LRPPRC: variants seen among roughly 807,000 people sequenced by gnomAD.
The protein encoded by LRPPRC is leucine-rich PPR motif-containing protein, mitochondrial.
A neutral mutation model predicts 180.3 loss-of-function variants in LRPPRC; 120 were observed. That is an observed-to-expected ratio of 0.67 (90% CI 0.57 to 0.77). The LOEUF is 0.77. Among genes scored for constraint, LRPPRC ranks in the 30% least tolerant of loss-of-function variants. The pLI is 0.00. For synonymous variants in LRPPRC, 723 were observed against 600.0 expected, an observed-to-expected ratio of 1.21 and a Z score of -3.00; for missense variants, 2,012 against 1,657.2, an observed-to-expected ratio of 1.21 and a Z score of -3.72.
At chr2:43,946,073 A>G in intron 21 of LRPPRC, 40 bp downstream of exon 21, 1 of 1,599,982 alleles carries the variant, frequency 6.3e-7, no homozygotes, top group Non-Finnish European at 8.6e-7. Context: ...TGTAGAGCAG[A>G]ATAAATGTTG....
At chr2:43,975,731 T>A (rs917604131) in intron 6 of LRPPRC, among the ~76,000 whole-genome samples, 1 of 151,976 alleles carries the variant, frequency 6.6e-6, no homozygotes, top group Non-Finnish European at 1.5e-5. Flanking sequence ...TACAGGCACC[T>A]GCCATCATGC....
rs1216785528 is a variant in LRPPRC, at chr2:43,901,302, A to C, written c.3569+18T>G. The stretch of plus-strand genomic sequence containing the variant: ...TTCTAGTGACCAATGAAGGAAAAGA[A>C]GGCTTGCAAATACTCACTTCTTTAT... On this transcript the variant is annotated intron_variant, in intron 32 of 37. Coordinates refer to ENST00000260665, the MANE Select transcript of LRPPRC (RefSeq NM_133259.4). The C allele has an allele frequency of 6.2e-7, 1 of 1,605,770 alleles. No homozygotes were observed.
At chr2:43,908,015 G>A (rs1295154344) in intron 30 of LRPPRC, among the ~76,000 whole-genome samples, 1 of 152,194 alleles carries the variant, frequency 6.6e-6, no homozygotes, top group Non-Finnish European at 1.5e-5. Context: ...ATAATATGCA[G>A]AAAGGACATT....
intron 34 of LRPPRC, among the ~76,000 whole-genome samples, chr2:43,898,291 TA>T (rs1469989445): frequency 6.6e-6 from 1 of 152,142 alleles, no homozygotes; most frequent in Non-Finnish European, 1.5e-5. Context: ...ACTTGAAGAA[TA>T]AAAACTGGAG....
intron 1 of LRPPRC, among the ~76,000 whole-genome samples, chr2:43,993,210 AC>A (rs557075449): frequency 2.6e-5 from 4 of 152,332 alleles, no homozygotes; most frequent in African/African-American, 9.6e-5. Context: ...AAATAAACAT[AC>A]ATCTTACACA....
intron 31 of LRPPRC, 197 bp from the exon 32 acceptor site, chr2:43,901,721 T>C: frequency 1.8e-6 from 1 of 561,856 alleles, no homozygotes; most frequent in South Asian, 2.2e-5. Context: ...TATAAGATAT[T>C]AGAGGCCCGA....
intron 23 of LRPPRC, among the ~76,000 whole-genome samples, chr2:43,940,621 C>T (rs1413032393): frequency 6.6e-6 from 1 of 152,116 alleles, no homozygotes; most frequent in Admixed American, 6.5e-5. Context: ...CTTGCACCAA[C>T]ATAATCCAGT....
chr2:43,892,755 C>CA (rs768110446), intron 36 of LRPPRC: 3 of 151,662 alleles, frequency 2.0e-5, no homozygotes, highest in Non-Finnish European at 4.4e-5. Flanking sequence ...ATGGCCCCTG[C>CA]ACAAAGATGA....
At chr2:43,901,854 C>A (rs2104994066) in intron 31 of LRPPRC, 1 of 245,778 alleles carries the variant, frequency 4.1e-6, no homozygotes, top group East Asian at 1.0e-4. Context: ...GAAAGATTTT[C>A]TAGAGTTTCC....
At chr2:43,893,519 C>T (rs1359142276) in intron 36 of LRPPRC, among the ~76,000 whole-genome samples, 1 of 152,144 alleles carries the variant, frequency 6.6e-6, no homozygotes, top group East Asian at 1.9e-4. Context: ...TCACTGAAGG[C>T]ACAGATGATC....
rs373493081 is a variant in LRPPRC at position 43,899,286 on chromosome 2, G to C, written c.3758C>G (p.Pro1253Arg). The change falls in exon 34 of 38, where the codon CCT becomes CGT. Residue 1253 changes from proline to arginine, a missense_variant. Transcript: ENST00000260665. ...AAGTTGAAGGAAAAAATCAGTGACA[G>C]GTTTATAAATTGCAAACTGATTGGC... The part of the protein sequence containing the change: ...RLANQFAIYK[P>R]VTDFFLQLVD... The C allele has an allele frequency of 1.2e-6, 2 of 1,614,026 alleles. No homozygotes were observed. Among genetic ancestry groups the C allele is most frequent in the African/African-American group, 1.3e-5 (1 of 74,890 alleles).
At chr2:43,978,410 A>G (rs1268303092) in intron 3 of LRPPRC, among the ~76,000 whole-genome samples, 1 of 152,160 alleles carries the variant, frequency 6.6e-6, no homozygotes, top group Admixed American at 6.5e-5. Context: ...TACAGGAGAG[A>G]CCTATCTGTA....
At chr2:43,930,280 G>A (rs1179053083) in intron 25 of LRPPRC, among the ~76,000 whole-genome samples, 1 of 152,116 alleles carries the variant, frequency 6.6e-6, no homozygotes, top group Admixed American at 6.6e-5. Flanking sequence ...GAAAGGGTAA[G>A]TTATTTTCGA....
intron 27 of LRPPRC, among the ~76,000 whole-genome samples, chr2:43,923,220 T>G (rs1408630562): frequency 1.3e-5 from 2 of 148,534 alleles, no homozygotes. Context: ...GGCTCATGCC[T>G]GTAATCCCAG....
chr2:43,959,142 C>T (rs1673235728), intron 13 of LRPPRC: 1 of 699,208 alleles, frequency 1.4e-6, no homozygotes, highest in African/African-American at 1.8e-5. Flanking sequence ...AAGGAAAAGG[C>T]AGCTCTCATG....
chr2:43,925,806 A>C, intron 26 of LRPPRC, 87 bp downstream of exon 26: 1 of 859,050 alleles, frequency 1.2e-6, no homozygotes, highest in South Asian at 1.3e-5. Flanking sequence ...CTGTCTCTCG[A>C]AGTCCCCAAA....
At chr2:43,974,839 C>A in intron 7 of LRPPRC, 81 bp from the exon 8 acceptor site, 1 of 1,416,658 alleles carries the variant, frequency 7.1e-7, no homozygotes, top group South Asian at 1.2e-5. Context: ...TATCCAGATT[C>A]AAAAAACTAG....
intron 13 of LRPPRC, among the ~76,000 whole-genome samples, chr2:43,958,510 A>G (rs1385564246): frequency 6.6e-6 from 1 of 152,208 alleles, no homozygotes; most frequent in Non-Finnish European, 1.5e-5. Flanking sequence ...ATATTCCTTG[A>G]ACAAGGAGCC....
chr2:43,975,262 T>G, intron 6 of LRPPRC, 45 bp from the exon 7 acceptor site: 5 of 1,543,576 alleles, frequency 3.2e-6, no homozygotes, highest in Non-Finnish European at 3.6e-6. Context: ...TTTGCCAAAT[T>G]TAATATAGTT....
Sources: allele counts gnomAD v4.1 joint callset (sites outside exome capture counted in the v4.1 genomes callset), GRCh38; gene constraint gnomAD v4.1.1; transcripts MANE v1.5; gene names NCBI Gene and HGNC (gene_info 2026-07-23, HGNC 2026-07-21).